The following PPM1H variants were observed in gnomAD, a reference collection of about 807,000 sequenced individuals.
PPM1H encodes protein phosphatase, Mg2+/Mn2+ dependent 1H.
A neutral mutation model predicts 54.9 loss-of-function variants in PPM1H; 27 were observed. The observed-to-expected ratio is 0.49, with a 90% confidence interval of 0.36 to 0.68. The LOEUF is 0.68. PPM1H is among the 30% of genes least tolerant of loss of function. The pLI, the probability that PPM1H is intolerant of heterozygous loss-of-function variation, is 0.00. For missense variants in PPM1H, 596 were observed against 667.8 expected (o/e 0.89, Z 1.19); for synonymous variants, 305 against 270.8 (o/e 1.13, Z -1.24).
At chr12:62,712,091 T>C (rs2076210620) in intron 6 of PPM1H, among the ~76,000 whole-genome samples, 1 of 152,244 alleles carries the variant, frequency 6.6e-6, no homozygotes, top group Non-Finnish European at 1.5e-5. Flanking sequence ...ATCTCAGCTC[T>C]GGAAGCCCCG....
At chr12:62,914,995 A>C (rs907599196) in intron 1 of PPM1H, among the ~76,000 whole-genome samples, 1 of 152,206 alleles carries the variant, frequency 6.6e-6, no homozygotes, top group Non-Finnish European at 1.5e-5. Context: ...TTTCCCAAAC[A>C]TAAACCTCAT....
In PPM1H at chr12:62,836,488, G is replaced by A. The variant is rs1194547474; in HGVS notation, c.246-4209C>T. Among the ~76,000 whole-genome samples, 3 of 152,152 alleles carry A rather than the reference G, an allele frequency of 2.0e-5. No homozygotes were observed. In the East Asian group the frequency reaches 5.8e-4, roughly 29 times the overall value. On this transcript the variant is annotated intron_variant, in intron 1 of 9. Transcript: ENST00000228705. ...TTTCATCCTCTTGTCAACTCTATAA[G>A]GTAGCTGCCACTGTTACTCCCTTTT...
intron 4 of PPM1H, among the ~76,000 whole-genome samples, chr12:62,752,259 C>A (rs1181773269): frequency 6.6e-6 from 1 of 152,080 alleles, no homozygotes; most frequent in African/African-American, 2.4e-5. Context: ...AAATTAAACT[C>A]ACATATAAGA....
chr12:62,672,577 T>A (rs2075962573), intron 8 of PPM1H, among the ~76,000 whole-genome samples: 1 of 152,192 alleles, frequency 6.6e-6, no homozygotes, highest in South Asian at 2.1e-4. Context: ...CCCCAGGGAA[T>A]TCTGATGCAA....
chr12:62,705,711 G>A (rs112412962), intron 6 of PPM1H, among the ~76,000 whole-genome samples: 141 of 152,226 alleles, frequency 9.3e-4, no homozygotes, highest in African/African-American at 3.1e-3. Flanking sequence ...TCTCTCCACC[G>A]ATATGAATCA....
intron 1 of PPM1H, among the ~76,000 whole-genome samples, chr12:62,906,873 C>T (rs775720228): frequency 1.5e-4 from 23 of 152,152 alleles, no homozygotes; most frequent in Non-Finnish European, 4.4e-5. Context: ...CGTAACAACA[C>T]GTTCCTTCTG....
intron 1 of PPM1H, among the ~76,000 whole-genome samples, chr12:62,841,288 G>T (rs141609022): frequency 6.6e-6 from 1 of 152,242 alleles, no homozygotes; most frequent in Non-Finnish European, 1.5e-5. Flanking sequence ...GCCAAAGCTG[G>T]ACACTGCTTG....
At chr12:62,766,855 G>A (rs567367766) in intron 4 of PPM1H, among the ~76,000 whole-genome samples, 2 of 152,298 alleles carry the variant, frequency 1.3e-5, no homozygotes, top group African/African-American at 2.4e-5. Flanking sequence ...AGAAGGGTGC[G>A]AGGAATAGAA....
At chr12:62,865,402 T>C (rs1869740778) in intron 1 of PPM1H, among the ~76,000 whole-genome samples, 1 of 152,212 alleles carries the variant, frequency 6.6e-6, no homozygotes, top group South Asian at 2.1e-4. Context: ...TCTGTCTCTC[T>C]AGTCTCCACA....
chr12:62,789,253 A>G (rs1287802816), intron 3 of PPM1H, among the ~76,000 whole-genome samples: 1 of 152,078 alleles, frequency 6.6e-6, no homozygotes, highest in East Asian at 1.9e-4. Context: ...GGCCTCAAAC[A>G]ATCCTGTCTC....
intron 4 of PPM1H, among the ~76,000 whole-genome samples, chr12:62,765,634 G>C (rs1303607952): frequency 2.0e-5 from 3 of 152,214 alleles, no homozygotes; most frequent in Non-Finnish European, 4.4e-5. Context: ...AAGAGAGAGA[G>C]ACACCCAGTT....
intron 8 of PPM1H, among the ~76,000 whole-genome samples, chr12:62,673,559 A>G (rs118035071): frequency 1.1e-4 from 17 of 152,042 alleles, no homozygotes; most frequent in Non-Finnish European, 2.1e-4. Context: ...CAGATTCTCC[A>G]AACTGGTTTT....
At chr12:62,705,470 C>A (rs1202321384) in intron 6 of PPM1H, among the ~76,000 whole-genome samples, 1 of 152,198 alleles carries the variant, frequency 6.6e-6, no homozygotes, top group East Asian at 1.9e-4. Flanking sequence ...CCTTTTGATT[C>A]GTAGGCTGAG....
At chr12:62,787,717 A>G (rs1357166165) in intron 4 of PPM1H, among the ~76,000 whole-genome samples, 1 of 152,234 alleles carries the variant, frequency 6.6e-6, no homozygotes, top group African/African-American at 2.4e-5. Context: ...AATGCTGGAT[A>G]AAGGAAGGGT....
intron 1 of PPM1H, among the ~76,000 whole-genome samples, chr12:62,926,465 G>C (rs1392523374): frequency 6.6e-6 from 1 of 152,028 alleles, no homozygotes. Flanking sequence ...AAGCCATAGA[G>C]GAGATTAGGT....
chr12:62,726,862 G>A (rs1364446691), intron 5 of PPM1H, among the ~76,000 whole-genome samples: 2 of 152,122 alleles, frequency 1.3e-5, no homozygotes, highest in African/African-American at 4.8e-5. Context: ...TAAGCAATAA[G>A]CCCAAAGTCT....
chr12:62,867,266 C>T (rs929612577), intron 1 of PPM1H, among the ~76,000 whole-genome samples: 1 of 152,134 alleles, frequency 6.6e-6, no homozygotes, highest in African/African-American at 2.4e-5. Context: ...CTCCATGGTC[C>T]TCACTTCAGA....
At chr12:62,931,201 G>T (rs1038915078) in intron 1 of PPM1H, among the ~76,000 whole-genome samples, 5 of 152,162 alleles carry the variant, frequency 3.3e-5, no homozygotes, top group Non-Finnish European at 4.4e-5. Context: ...GGCTTGGAAC[G>T]TGACTCACTT....
At chr12:62,880,248 G>T (rs1386192636) in intron 1 of PPM1H, among the ~76,000 whole-genome samples, 1 of 152,200 alleles carries the variant, frequency 6.6e-6, no homozygotes, top group South Asian at 2.1e-4. Context: ...AGCCTGCATT[G>T]TGAAATACTG....
Sources: gnomAD v4.1 joint callset for allele counts (sites outside exome capture counted in the v4.1 genomes callset) on GRCh38, gnomAD v4.1.1 for gene constraint, MANE v1.5 for transcripts, NCBI Gene and HGNC (gene_info 2026-07-23, HGNC 2026-07-21) for gene names.